MSH3: variants seen among roughly 807,000 people sequenced by gnomAD.
MSH3 encodes mutS homolog 3.
MSH3 carries 106 observed loss-of-function variants against 123.3 expected under a neutral mutation model. The ratio of observed to expected loss-of-function variants is 0.86; its 90% confidence interval spans 0.73 to 1.01. The LOEUF (loss-of-function observed/expected upper bound fraction) is 1.01. Among genes scored for constraint, MSH3 ranks in the 50% least tolerant of loss-of-function variants. The pLI, the probability that MSH3 is intolerant of heterozygous loss-of-function variation, is 0.00. For synonymous variants in MSH3, 515 were observed against 481.4 expected, an observed-to-expected ratio of 1.07 and a Z score of -0.91; for missense variants, 1,459 against 1,347.6, an observed-to-expected ratio of 1.08 and a Z score of -1.29.
intron 4 of MSH3, among the ~76,000 whole-genome samples, chr5:80,670,567 C>G (rs1310013803): frequency 2.6e-5 from 4 of 152,022 alleles, no homozygotes; most frequent in Non-Finnish European, 5.9e-5. Context: ...TACTTTTTAT[C>G]CATCCAAAGT....
intron 19 of MSH3, among the ~76,000 whole-genome samples, chr5:80,798,413 C>T (rs1272831349): frequency 6.6e-6 from 1 of 152,154 alleles, no homozygotes; most frequent in Non-Finnish European, 1.5e-5. Context: ...TAATGTCTAG[C>T]TGGCCCAGAA....
chr5:80,674,836 T>C (rs907847954), intron 6 of MSH3, 147 bp from the exon 7 acceptor site: 7 of 687,480 alleles, frequency 1.0e-5, no homozygotes, highest in African/African-American at 7.2e-5. Flanking sequence ...CACCTTGGCC[T>C]CCTAAAGTGC....
In MSH3 at chr5:80,723,777, T is replaced by A. The variant is rs202219834; in HGVS notation, c.1341-1676T>A. On this transcript the variant is annotated intron_variant, in intron 8 of 23. Transcript: ENST00000265081. ...TGCTTCTTTTATTAATTTTTTTTTT[T>A]AATTTGAGACGATGTTTCACTCTTG... Among the ~76,000 whole-genome samples the A allele has an allele frequency of 2.1e-3, 306 of 142,928 alleles. 1 individual carries two copies. Among genetic ancestry groups the A allele is most frequent in the Non-Finnish European group, 2.8e-3 (180 of 65,058 alleles). The allele number at this position is 142,928 out of a possible 152,430, so 93.8% of individuals were successfully genotyped here. A position where few individuals can be genotyped will look rare whatever the true frequency, so the allele number is the denominator to read the frequency against.
chr5:80,723,148 T>C (rs1165531613), intron 8 of MSH3, among the ~76,000 whole-genome samples: 1 of 147,720 alleles, frequency 6.8e-6, no homozygotes, highest in Non-Finnish European at 1.5e-5. Context: ...TCCCAGTAAG[T>C]TTCTTGTGAA....
chr5:80,869,200 A>C (rs547827848), intron 22 of MSH3, among the ~76,000 whole-genome samples: 1 of 152,352 alleles, frequency 6.6e-6, no homozygotes, highest in East Asian at 1.9e-4. Context: ...TTGTCAGTAC[A>C]CATCTCTTTA....
chr5:80,667,426 C>A (rs1470725400), intron 3 of MSH3, among the ~76,000 whole-genome samples: 1 of 152,246 alleles, frequency 6.6e-6, no homozygotes, highest in Non-Finnish European at 1.5e-5. Flanking sequence ...GCTTCGCCAG[C>A]TGTAAACCTC....
Position 80,876,016 on chromosome 5 carries a change from A to C in MSH3, c.*154A>C, listed in dbSNP as rs1746303160. On this transcript the variant is annotated 3_prime_UTR_variant, in exon 24 of 24. Coordinates refer to ENST00000265081, the MANE Select transcript of MSH3 (RefSeq NM_002439.5). Reference sequence around the variant, plus strand: ...TGGAAACAGAGAGGTTTTTCTGAAGACAGTCTTTTTCAAGTTTCTGTCTTC... The same window carrying C: ...TGGAAACAGAGAGGTTTTTCTGAAGCCAGTCTTTTTCAAGTTTCTGTCTTC... 1 of 629,252 alleles carries C rather than the reference A, an allele frequency of 1.6e-6. No individual in the cohort carries two copies. 39.0% of individuals were successfully genotyped at this position (629,252 alleles called of 1,614,324 possible).
intron 16 of MSH3, among the ~76,000 whole-genome samples, chr5:80,778,436 A>G (rs529175818): frequency 6.6e-6 from 1 of 152,274 alleles, no homozygotes; most frequent in South Asian, 2.1e-4. Flanking sequence ...TTCACTTAGT[A>G]TAATTTAAAG....
At chr5:80,813,469 ATATT>A (rs1178698973) in intron 19 of MSH3, 111 bp from the exon 20 acceptor site, 3 of 1,081,700 alleles carry the variant, frequency 2.8e-6, no homozygotes. Context: ...TCCTTTTGTG[ATATT>A]TATGCTACAA....
chr5:80,790,412 A>T (rs1335361771), intron 18 of MSH3, among the ~76,000 whole-genome samples: 1 of 152,120 alleles, frequency 6.6e-6, no homozygotes, highest in East Asian at 1.9e-4. Context: ...TACACTTACC[A>T]TGTGGGTTTA....
intron 12 of MSH3, among the ~76,000 whole-genome samples, chr5:80,759,804 GTGGA>G (rs925825202): frequency 6.6e-6 from 1 of 152,128 alleles, no homozygotes; most frequent in South Asian, 2.1e-4. Context: ...GTGGAGAGTG[GTGGA>G]TGGATTACAG....
intron 11 of MSH3, among the ~76,000 whole-genome samples, chr5:80,743,111 T>A (rs890888826): frequency 1.3e-5 from 2 of 151,702 alleles, no homozygotes; most frequent in Admixed American, 1.3e-4. Context: ...AGGGTAGGAG[T>A]TGGGTGTCAG....
intron 10 of MSH3, among the ~76,000 whole-genome samples, chr5:80,734,980 T>G (rs1743477719): frequency 6.6e-6 from 1 of 152,238 alleles, no homozygotes; most frequent in South Asian, 2.1e-4. Flanking sequence ...AGGACATTTC[T>G]CATGCAGTTA....
At chr5:80,716,210 A>C (rs939352493) in intron 8 of MSH3, among the ~76,000 whole-genome samples, 2 of 152,206 alleles carry the variant, frequency 1.3e-5, no homozygotes, top group African/African-American at 4.8e-5. Context: ...CTAATAAAAA[A>C]TGCTAGTTTT....
intron 11 of MSH3, among the ~76,000 whole-genome samples, chr5:80,744,148 A>G (rs1162321578): frequency 6.6e-6 from 1 of 152,214 alleles, no homozygotes; most frequent in Non-Finnish European, 1.5e-5. Flanking sequence ...GGTTTATAAA[A>G]TGGTAACTGT....
chr5:80,864,487 AATTGT>A (rs903162400), intron 21 of MSH3, among the ~76,000 whole-genome samples: 3 of 152,250 alleles, frequency 2.0e-5, no homozygotes, highest in Admixed American at 6.5e-5. Flanking sequence ...TGAGTGTAAT[AATTGT>A]ATTCTAGTTA....
chr5:80,703,278 G>C (rs143494056), intron 8 of MSH3, among the ~76,000 whole-genome samples: 1 of 152,104 alleles, frequency 6.6e-6, no homozygotes, highest in Non-Finnish European at 1.5e-5. Context: ...GCTAAGTCAG[G>C]GTATCATTTA....
chr5:80,681,366 G>A (rs553961136), intron 8 of MSH3, among the ~76,000 whole-genome samples: 1 of 151,922 alleles, frequency 6.6e-6, no homozygotes, highest in South Asian at 2.1e-4. Context: ...GCTAGAAATG[G>A]TAATATGAGA....
rs1490449810 is a variant in MSH3 at position 80,654,951 on chromosome 5, T to TGCC, written c.230_232dup (p.Pro77dup). The TGCC allele has an allele frequency of 9.4e-5, 138 of 1,471,776 alleles. No homozygotes were observed. Among genetic ancestry groups the TGCC allele is most frequent in the Non-Finnish European group, 1.2e-4 (131 of 1,115,152 alleles). The allele number at this position is 1,471,776 out of a possible 1,614,324, so 91.2% of individuals were successfully genotyped here. Reference sequence around the variant, plus strand: ...CCAGCTCCCGCCTTCCCGCCCCAGCTGCCGCCGCACATAGTAGGTTCTGTC... The same window carrying TGCC: ...CCAGCTCCCGCCTTCCCGCCCCAGCTGCCGCCGCCGCACATAGTAGGTTCTGTC... On this transcript the variant is annotated inframe_insertion, in exon 1 of 24. Coordinates refer to ENST00000265081, the MANE Select transcript of MSH3 (RefSeq NM_002439.5).
Sources: gnomAD v4.1 joint callset for allele counts (sites outside exome capture counted in the v4.1 genomes callset) on GRCh38, gnomAD v4.1.1 for gene constraint, MANE v1.5 for transcripts, NCBI Gene and HGNC (gene_info 2026-07-23, HGNC 2026-07-21) for gene names.